The following CACHD1 variants were observed in gnomAD, a reference collection of about 807,000 sequenced individuals.
The protein encoded by CACHD1 is VWFA and cache domain-containing protein 1.
Under a neutral mutation model 138.7 loss-of-function variants are expected in CACHD1, and 71 were observed. That is an observed-to-expected ratio of 0.51 (90% CI 0.42 to 0.62). The LOEUF is 0.62. Among genes scored for constraint, CACHD1 ranks in the 20% least tolerant of loss-of-function variants. The pLI is 0.00. For synonymous variants in CACHD1, 578 were observed against 591.5 expected (o/e 0.98, Z 0.33); for missense variants, 1,389 against 1,625.3 (o/e 0.85, Z 2.50).
chr1:64,554,828 A>T (rs1434360728), intron 2 of CACHD1, among the ~76,000 whole-genome samples: 1 of 152,216 alleles, frequency 6.6e-6, no homozygotes, highest in Non-Finnish European at 1.5e-5. Flanking sequence ...ATGACTACCG[A>T]GTAACTGAAA....
chr1:64,628,159 C>T (rs1053628054), intron 4 of CACHD1, among the ~76,000 whole-genome samples: 3 of 152,196 alleles, frequency 2.0e-5, no homozygotes, highest in Non-Finnish European at 4.4e-5. Flanking sequence ...AGAGTCATAT[C>T]TCAGCCCTTA....
intron 16 of CACHD1, among the ~76,000 whole-genome samples, chr1:64,668,952 T>C (rs1649728475): frequency 6.6e-6 from 1 of 152,188 alleles, no homozygotes; most frequent in African/African-American, 2.4e-5. Context: ...TCCTAACACA[T>C]GGTTCTACTC....
intron 1 of CACHD1, among the ~76,000 whole-genome samples, chr1:64,526,896 A>G (rs1009126136): frequency 6.6e-6 from 1 of 152,148 alleles, no homozygotes; most frequent in Non-Finnish European, 1.5e-5. Context: ...TCGCAAAACC[A>G]TTTATTCCTC....
chr1:64,565,079 G>A (rs1012357183), intron 2 of CACHD1, among the ~76,000 whole-genome samples: 5 of 150,068 alleles, frequency 3.3e-5, no homozygotes, highest in African/African-American at 9.9e-5. Flanking sequence ...ATCTAGTATG[G>A]TGGTAGCCTG....
Position 64,692,296 on chromosome 1 carries a change from C to T in CACHD1, c.*735C>T, listed in dbSNP as rs1166945063. ...AAAATAGGAAAATGAAGAAATCTTTCTCTCTGACTTGTTTACATCATTTCA... is the reference window on the plus strand; with the variant it reads ...AAAATAGGAAAATGAAGAAATCTTTTTCTCTGACTTGTTTACATCATTTCA... On this transcript the variant is annotated 3_prime_UTR_variant, in exon 27 of 27. Transcript: ENST00000651257. 1 of 152,238 alleles carries T rather than the reference C, an allele frequency of 6.6e-6. No homozygotes were observed. Among genetic ancestry groups the T allele is most frequent in the Admixed American group, 6.5e-5 (1 of 15,292 alleles). 9.4% of individuals were successfully genotyped at this position (152,238 alleles called of 1,614,324 possible). A position where few individuals can be genotyped will look rare whatever the true frequency, so the allele number is the denominator to read the frequency against.
chr1:64,682,887 C>A (rs1350705220), intron 26 of CACHD1, among the ~76,000 whole-genome samples: 1 of 127,222 alleles, frequency 7.9e-6, no homozygotes, highest in Non-Finnish European at 1.5e-5. Context: ...GTTTTTCCTG[C>A]CATTGTAAAA....
At chr1:64,517,461 A>G (rs976363387) in intron 1 of CACHD1, among the ~76,000 whole-genome samples, 1 of 152,164 alleles carries the variant, frequency 6.6e-6, no homozygotes, top group Non-Finnish European at 1.5e-5. Flanking sequence ...GTTGGCAGGG[A>G]GCTGTGGGGT....
intron 4 of CACHD1, among the ~76,000 whole-genome samples, chr1:64,603,199 G>A (rs1273896235): frequency 6.7e-6 from 1 of 149,826 alleles, no homozygotes; most frequent in Admixed American, 6.7e-5. Context: ...CCGCCTCCCG[G>A]GTTCACACCA....
intron 11 of CACHD1, 43 bp downstream of exon 11, chr1:64,653,924 A>G: frequency 6.3e-7 from 1 of 1,582,642 alleles, no homozygotes; most frequent in Non-Finnish European, 8.6e-7. Context: ...TTCCCTGAGA[A>G]TGGGACCCAT....
chr1:64,689,421 C>A (rs1007947906), intron 26 of CACHD1, among the ~76,000 whole-genome samples: 2 of 152,172 alleles, frequency 1.3e-5, no homozygotes, highest in Non-Finnish European at 2.9e-5. Context: ...ATTTCTCTTG[C>A]CTCCACCACT....
In CACHD1 at chr1:64,555,951, A is replaced by G. The variant is rs144689379; in HGVS notation, c.261+5295A>G. Among the ~76,000 whole-genome samples, 846 of 152,252 alleles carry G rather than the reference A, an allele frequency of 5.6e-3. 7 individuals are homozygous for G. Among genetic ancestry groups the G allele is most frequent in the African/African-American group, 0.019 (792 of 41,536 alleles). ...GAATTTGATTTGGTTCCATTAGTCTATTTATCTATCCTTGTGCCAGTACCA... is the reference window on the plus strand; with the variant it reads ...GAATTTGATTTGGTTCCATTAGTCTGTTTATCTATCCTTGTGCCAGTACCA... On this transcript the variant is annotated intron_variant, in intron 2 of 26. Transcript: ENST00000651257.
At chr1:64,477,587 T>TG (rs1557454923) in intron 1 of CACHD1, among the ~76,000 whole-genome samples, 14 of 34,044 alleles carry the variant, frequency 4.1e-4, no homozygotes, top group Admixed American at 1.0e-3. Flanking sequence ...CCCCCCAGAT[T>TG]ATTATTATTA....
At chr1:64,614,819 C>T (rs1647654038) in intron 4 of CACHD1, among the ~76,000 whole-genome samples, 1 of 152,116 alleles carries the variant, frequency 6.6e-6, no homozygotes, top group Admixed American at 6.5e-5. Context: ...AATTTAGATC[C>T]TCATTTCTCT....
intron 5 of CACHD1, among the ~76,000 whole-genome samples, chr1:64,630,573 C>T (rs1331586208): frequency 1.3e-5 from 2 of 152,178 alleles, no homozygotes; most frequent in African/African-American, 2.4e-5. Context: ...CATGAGCCAC[C>T]GTGCCCAGTC....
intron 4 of CACHD1, among the ~76,000 whole-genome samples, chr1:64,610,892 C>A: frequency 6.6e-6 from 1 of 152,240 alleles, no homozygotes; most frequent in East Asian, 1.9e-4. Context: ...CCCACCCCTA[C>A]AGCAAACTTC....
intron 2 of CACHD1, 81 bp from the exon 3 acceptor site, chr1:64,582,069 TGACACA>T: frequency 7.1e-7 from 1 of 1,408,504 alleles, no homozygotes; most frequent in Non-Finnish European, 9.8e-7. Flanking sequence ...ATGCAGCTTG[TGACACA>T]GATTACTAGT....
intron 2 of CACHD1, 63 bp from the exon 3 acceptor site, chr1:64,582,093 A>T (rs1570388814): frequency 6.4e-7 from 1 of 1,559,960 alleles, no homozygotes; most frequent in East Asian, 2.3e-5. Flanking sequence ...AGTTTATTAG[A>T]AAAAAATACA....
intron 1 of CACHD1, among the ~76,000 whole-genome samples, chr1:64,471,810 C>T (rs1196987739): frequency 6.6e-6 from 1 of 152,022 alleles, no homozygotes; most frequent in Admixed American, 6.5e-5. Context: ...GAAAAACTGC[C>T]CGCAGCTAGT....
chr1:64,546,476 C>T (rs1336928426), intron 1 of CACHD1, among the ~76,000 whole-genome samples: 1 of 151,724 alleles, frequency 6.6e-6, no homozygotes, highest in Non-Finnish European at 1.5e-5. Context: ...CTGAACTACC[C>T]GTGGGTGCCG....
Sources: allele counts gnomAD v4.1 joint callset (sites outside exome capture counted in the v4.1 genomes callset), GRCh38; gene constraint gnomAD v4.1.1; transcripts MANE v1.5; gene names NCBI Gene and HGNC (gene_info 2026-07-23, HGNC 2026-07-21).